PTPN11: variants seen among roughly 807,000 people sequenced by gnomAD.
PTPN11 encodes protein tyrosine phosphatase non-receptor type 11, also known as tyrosine-protein phosphatase non-receptor type 11.
In PTPN11, 6 loss-of-function variants were observed where a neutral mutation model predicts 78.8. The ratio of observed to expected loss-of-function variants is 0.08; its 90% CI spans 0.04 to 0.15. The LOEUF (loss-of-function observed/expected upper bound fraction) is 0.15. Among genes scored for constraint, PTPN11 ranks in the 10% least tolerant of loss-of-function variants. PTPN11 has a pLI of 1.00. For synonymous variants in PTPN11, 221 were observed against 263.5 expected (o/e 0.84, Z 1.56); for missense variants, 386 against 744.8 (o/e 0.52, Z 5.61).
At chr12:112,439,801 AC>A (rs1566160978) in intron 1 of PTPN11, among the ~76,000 whole-genome samples, 2 of 149,970 alleles carry the variant, frequency 1.3e-5, no homozygotes, top group African/African-American at 5.0e-5. Flanking sequence ...AAAAACAAAA[AC>A]AAAAAAAAAA....
intron 1 of PTPN11, among the ~76,000 whole-genome samples, chr12:112,434,063 G>A (rs1193961081): frequency 6.6e-6 from 1 of 152,174 alleles, no homozygotes; most frequent in Non-Finnish European, 1.5e-5. Flanking sequence ...TTGGGAGGCT[G>A]AGGCCAGGAG....
At position 112,459,284 on chromosome 12, in the gene PTPN11, A is replaced by G. The variant is rs199759843; in HGVS notation, c.756+3221A>G. ...TTGTTCCAAAACTTTTTAGTGTGGA[A>G]AATTTCTATTATATGCAAAAGTAGA... On this transcript the variant is annotated intron_variant, in intron 6 of 15. Transcript: ENST00000351677. Among the ~76,000 whole-genome samples the G allele has an allele frequency of 2.6e-4, 40 of 152,270 alleles. No homozygotes were observed. In the East Asian group the frequency reaches 6.7e-3, roughly 26 times the overall value.
intron 1 of PTPN11, among the ~76,000 whole-genome samples, chr12:112,442,833 T>TAC (rs2037918890): frequency 1.2e-4 from 2 of 17,002 alleles, no homozygotes; most frequent in Admixed American, 7.2e-4. Context: ...TCTCTTTTTA[T>TAC]ATATATATAT....
At chr12:112,477,776 CT>C (rs1004448492) in intron 8 of PTPN11, 46 bp downstream of exon 8, 1 of 1,604,724 alleles carries the variant, frequency 6.2e-7, no homozygotes, top group African/African-American at 1.3e-5. Flanking sequence ...CATTTCTAGC[CT>C]ATTTTTGTAT....
intron 7 of PTPN11, among the ~76,000 whole-genome samples, chr12:112,474,208 G>A (rs2038461874): frequency 1.3e-5 from 2 of 151,760 alleles, no homozygotes; most frequent in Non-Finnish European, 2.9e-5. Flanking sequence ...AAATTAGCTG[G>A]GCGTGGTGGT....
chr12:112,490,731 G>A (rs995599211), intron 13 of PTPN11, among the ~76,000 whole-genome samples: 1 of 152,150 alleles, frequency 6.6e-6, no homozygotes, highest in Non-Finnish European at 1.5e-5. Context: ...ACAAGTGTGA[G>A]CCACTGAGCC....
At chr12:112,425,147 C>T (rs148740580) in intron 1 of PTPN11, among the ~76,000 whole-genome samples, 2 of 151,940 alleles carry the variant, frequency 1.3e-5, no homozygotes, top group Non-Finnish European at 2.9e-5. Flanking sequence ...AGCCACTGTG[C>T]CCACCTAACA....
intron 1 of PTPN11, 114 bp downstream of exon 1, chr12:112,419,239 G>A: frequency 7.7e-6 from 9 of 1,163,608 alleles, no homozygotes; most frequent in Non-Finnish European, 1.0e-5. Context: ...CCCCGGGTCG[G>A]GGTTGGGGGC....
intron 2 of PTPN11, among the ~76,000 whole-genome samples, chr12:112,449,645 A>T (rs2038049809): frequency 6.6e-6 from 1 of 152,250 alleles, no homozygotes; most frequent in Non-Finnish European, 1.5e-5. Context: ...TTTATGATTA[A>T]AAAACAAAAT....
chr12:112,453,646 G>GTTT (rs376601242), intron 4 of PTPN11, among the ~76,000 whole-genome samples: 3 of 116,572 alleles, frequency 2.6e-5, no homozygotes, highest in Admixed American at 8.6e-5. Context: ...CAGATTTTCT[G>GTTT]TTTTTTTTTT....
intron 1 of PTPN11, among the ~76,000 whole-genome samples, chr12:112,420,504 CG>C (rs1340135125): frequency 6.6e-5 from 10 of 152,024 alleles, no homozygotes; most frequent in Non-Finnish European, 1.2e-4. Flanking sequence ...CCACTATGCC[CG>C]GCTAATTTTT....
intron 3 of PTPN11, 82 bp downstream of exon 3, chr12:112,450,594 C>T: frequency 1.5e-6 from 2 of 1,317,430 alleles, no homozygotes; most frequent in South Asian, 1.2e-5. Context: ...CTGTGTATGA[C>T]TCTCTGACTC....
At chr12:112,462,719 C>G (rs1217331163) in intron 6 of PTPN11, among the ~76,000 whole-genome samples, 1 of 152,072 alleles carries the variant, frequency 6.6e-6, no homozygotes, top group African/African-American at 2.4e-5. Flanking sequence ...TTTTAAATAT[C>G]CTGGACATCC....
intron 1 of PTPN11, among the ~76,000 whole-genome samples, chr12:112,420,032 G>T (rs976811277): frequency 2.0e-5 from 3 of 152,196 alleles, no homozygotes; most frequent in East Asian, 3.8e-4. Flanking sequence ...GAGTTTCAGA[G>T]GTTAAGTAAA....
At chr12:112,477,618 G>A (rs2135900787) in intron 7 of PTPN11, 33 bp from the exon 8 acceptor site, 2 of 1,546,038 alleles carry the variant, frequency 1.3e-6, no homozygotes, top group Non-Finnish European at 1.8e-6. Context: ...AGCAGTCCAG[G>A]ACTTATGTGA....
Position 112,505,892 on chromosome 12 carries a change from A to G in PTPN11, c.*100A>G, listed in dbSNP as rs1228026413. On this transcript the variant is annotated 3_prime_UTR_variant, in exon 16 of 16. Transcript: ENST00000351677. ...GCAAGAAAGTTTATGTGAAGACAGAATTTGGATTTGGAAGGCTTGCAATGT... is the reference window on the plus strand; with the variant it reads ...GCAAGAAAGTTTATGTGAAGACAGAGTTTGGATTTGGAAGGCTTGCAATGT... 6.5e-6 allele frequency: 1 copy of G among 154,904 alleles called. No homozygotes were observed. The highest frequency in any genetic ancestry group is 2.4e-5 in the African/African-American group (1 of 41,468). 9.6% of individuals were successfully genotyped at this position (154,904 alleles called of 1,614,324 possible). A position where few individuals can be genotyped will look rare whatever the true frequency, so the allele number is the denominator to read the frequency against.
Position 112,499,094 on chromosome 12 carries a change from C to G in PTPN11, c.1600-3050C>G, listed in dbSNP as rs561313780. Among the ~76,000 whole-genome samples, 11 of 151,678 alleles carry G rather than the reference C, an allele frequency of 7.3e-5. No homozygotes were observed. In the South Asian group the frequency reaches 1.7e-3, roughly 23 times the overall value. On this transcript the variant is annotated intron_variant, in intron 13 of 15. Coordinates refer to ENST00000351677, the MANE Select transcript of PTPN11 (RefSeq NM_002834.5). The stretch of plus-strand genomic sequence containing the variant: ...CAATGGGTATAGAGTTTCAGTAATA[C>G]AAGACAAAAAACTTCAGAGATCTTC...
At chr12:112,446,580 C>T (rs2037997370) in intron 2 of PTPN11, among the ~76,000 whole-genome samples, 182 bp downstream of exon 2, 2 of 152,130 alleles carry the variant, frequency 1.3e-5, no homozygotes, top group Non-Finnish European at 2.9e-5. Flanking sequence ...AAGGAGGGCC[C>T]TTCTTCTCCC....
In PTPN11 at chr12:112,477,845, C is replaced by T. The variant is rs730880990; in HGVS notation, c.934-12C>T. On this transcript the variant is annotated splice_polypyrimidine_tract_variant and intron_variant, in intron 8 of 15. Coordinates refer to ENST00000351677, the MANE Select transcript of PTPN11 (RefSeq NM_002834.5). ...TTAAGGTGTTTGAAGGATTTTCTTC[C>T]TAAATTTCTAGCCTGAATTTGAAAC... 4.3e-6 allele frequency: 7 copies of T among 1,613,988 alleles called. No homozygotes were observed. In the East Asian group the frequency reaches 6.7e-5, roughly 15 times the overall value.
Sources: allele counts gnomAD v4.1 joint callset (sites outside exome capture counted in the v4.1 genomes callset), GRCh38; gene constraint gnomAD v4.1.1; transcripts MANE v1.5; gene names NCBI Gene and HGNC (gene_info 2026-07-23, HGNC 2026-07-21).